The following PTPRG variants were observed in gnomAD, a reference collection of about 807,000 sequenced individuals.
PTPRG encodes the protein receptor-type tyrosine-protein phosphatase gamma.
In PTPRG, 102 loss-of-function variants were observed where a neutral mutation model predicts 165.3. That is an observed-to-expected ratio of 0.62 (90% CI 0.53 to 0.73). The LOEUF (loss-of-function observed/expected upper bound fraction) is 0.73. Ranked by LOEUF, PTPRG falls within the 30% of genes least tolerant of loss-of-function variation. PTPRG has a pLI of 0.00. For synonymous variants in PTPRG, 675 were observed against 669.5 expected (o/e 1.01, Z -0.13); for missense variants, 1,866 against 1,861.4 (o/e 1.00, Z -0.05).
intron 8 of PTPRG, among the ~76,000 whole-genome samples, chr3:62,186,520 G>A (rs894379104): frequency 4.2e-4 from 64 of 151,720 alleles, no homozygotes; most frequent in Admixed American, 1.9e-3. Flanking sequence ...GTGGCCCATC[G>A]GCCTCAGAGG....
At chr3:61,931,719 C>T (rs542990187) in intron 2 of PTPRG, among the ~76,000 whole-genome samples, 101 of 152,328 alleles carry the variant, frequency 6.6e-4, no homozygotes, top group Admixed American at 4.4e-3. Flanking sequence ...GAATATCCAA[C>T]CACCTCCATT....
chr3:61,618,945 C>G (rs1380753690), intron 1 of PTPRG, among the ~76,000 whole-genome samples: 1 of 144,058 alleles, frequency 6.9e-6, no homozygotes. Flanking sequence ...AGTTCGAGAC[C>G]AGCCTGGGCA....
intron 2 of PTPRG, among the ~76,000 whole-genome samples, chr3:61,887,164 A>ATTTTTTTTT (rs2038072437): frequency 7.8e-6 from 1 of 128,216 alleles, no homozygotes; most frequent in African/African-American, 3.3e-5. Flanking sequence ...ATATATATAT[A>ATTTTTTTTT]TATATATTTT....
At chr3:62,182,468 T>C (rs935036183) in intron 8 of PTPRG, among the ~76,000 whole-genome samples, 1 of 152,236 alleles carries the variant, frequency 6.6e-6, no homozygotes, top group African/African-American at 2.4e-5. Context: ...CTGTGAATTC[T>C]ATGCAGATCT....
At chr3:61,679,091 A>T (rs1333961995) in intron 1 of PTPRG, among the ~76,000 whole-genome samples, 1 of 152,182 alleles carries the variant, frequency 6.6e-6, no homozygotes, top group Non-Finnish European at 1.5e-5. Flanking sequence ...GAAACATGGC[A>T]AGATTGGGCC....
At chr3:62,136,886 G>A (rs959611370) in intron 6 of PTPRG, among the ~76,000 whole-genome samples, 1 of 152,084 alleles carries the variant, frequency 6.6e-6, no homozygotes, top group African/African-American at 2.4e-5. Flanking sequence ...TATGTGCAGC[G>A]TGAAAACAGA....
At chr3:61,680,245 G>C (rs1356007306) in intron 1 of PTPRG, among the ~76,000 whole-genome samples, 3 of 152,162 alleles carry the variant, frequency 2.0e-5, no homozygotes, top group Non-Finnish European at 2.9e-5. Flanking sequence ...TCCCTGTCCA[G>C]ACAGTTAATT....
chr3:62,187,324 G>C (rs1699688262), intron 8 of PTPRG, among the ~76,000 whole-genome samples: 1 of 152,214 alleles, frequency 6.6e-6, no homozygotes, highest in Non-Finnish European at 1.5e-5. Context: ...TTCAAAAAAA[G>C]GCTTGGCCTC....
At chr3:62,087,616 T>G (rs191855761) in intron 5 of PTPRG, among the ~76,000 whole-genome samples, 3 of 152,338 alleles carry the variant, frequency 2.0e-5, no homozygotes, top group African/African-American at 7.2e-5. Context: ...TTTTTCAGTA[T>G]AAATTACTCA....
At chr3:61,864,698 TC>T (rs149390325) in intron 2 of PTPRG, among the ~76,000 whole-genome samples, 17,985 of 152,116 alleles carry the variant, frequency 0.12, 1,621 homozygotes, top group East Asian at 0.48. Context: ...CCTGGAGCAT[TC>T]CAATAACACA....
chr3:62,016,025 G>A (rs565681474), intron 4 of PTPRG, among the ~76,000 whole-genome samples: 46 of 151,982 alleles, frequency 3.0e-4, no homozygotes, highest in Non-Finnish European at 4.7e-4. Flanking sequence ...TGCATAATAT[G>A]TTATATACTA....
At chr3:61,673,928 C>G (rs557920535) in intron 1 of PTPRG, among the ~76,000 whole-genome samples, 6 of 151,868 alleles carry the variant, frequency 4.0e-5, no homozygotes, top group South Asian at 2.1e-4. Context: ...TCTCAGCAAA[C>G]TCAGGAACAG....
chr3:62,191,373 A>T, intron 8 of PTPRG, 96 bp from the exon 9 acceptor site: 2 of 1,137,094 alleles, frequency 1.8e-6, no homozygotes, highest in Non-Finnish European at 2.5e-6. Context: ...TTCCTGTATT[A>T]CTCTTTCAAC....
rs17634074 is a variant in PTPRG at position 62,203,763 on chromosome 3, G to C, written c.1968G>C (p.Thr656=). The C allele has an allele frequency of 0.15, 248,115 of 1,609,046 alleles. 20,334 individuals are homozygous for C. Among genetic ancestry groups the C allele is most frequent in the South Asian group, 0.2 (18,241 of 90,382 alleles). The change falls in exon 12 of 30, where the codon ACG becomes ACC. Residue 656 remains threonine (T), a synonymous_variant. Transcript: ENST00000474889. The surrounding 1 kb of genome is among the most constrained non-coding windows in gnomAD (Gnocchi z 6.4). ...ACACTGCCGTCCCCACAGACCAGAC[G>C]GGCGGAAGGAGGGATGCCGGCCCAG... ...QDHTAVPTDQ[T]GGRRDAGPGL... is the part of the protein sequence containing the mutation.
intron 1 of PTPRG, among the ~76,000 whole-genome samples, chr3:61,708,457 T>C (rs1371495631): frequency 3.6e-5 from 5 of 137,838 alleles, no homozygotes; most frequent in East Asian, 2.2e-4. Context: ...TTTTTTTTTT[T>C]TTTTTTTTTT....
intron 2 of PTPRG, among the ~76,000 whole-genome samples, chr3:61,969,660 G>T (rs2040341869): frequency 6.6e-6 from 1 of 152,046 alleles, no homozygotes. Context: ...CTACAGACTC[G>T]GTCACCCTCA....
At chr3:62,065,383 G>A (rs377432649) in intron 4 of PTPRG, among the ~76,000 whole-genome samples, 1 of 152,180 alleles carries the variant, frequency 6.6e-6, no homozygotes, top group East Asian at 1.9e-4. Context: ...GCACATGGTT[G>A]TAGATGGAAC....
At chr3:61,809,734 G>C (rs185881376) in intron 2 of PTPRG, among the ~76,000 whole-genome samples, 35 of 152,290 alleles carry the variant, frequency 2.3e-4, no homozygotes, top group African/African-American at 8.4e-4. Flanking sequence ...ACATAAACTT[G>C]AAACATAAAT....
chr3:61,831,128 A>G (rs1288210012), intron 2 of PTPRG, among the ~76,000 whole-genome samples: 1 of 152,178 alleles, frequency 6.6e-6, no homozygotes, highest in Non-Finnish European at 1.5e-5. Flanking sequence ...CATCTATTTA[A>G]TCTCACTGAT....
Sources: allele counts gnomAD v4.1 joint callset (sites outside exome capture counted in the v4.1 genomes callset), GRCh38; gene constraint gnomAD v4.1.1; non-coding constraint Gnocchi (gnomAD v3.1); transcripts MANE v1.5; gene names NCBI Gene and HGNC (gene_info 2026-07-23, HGNC 2026-07-21).